UBE4B: variants seen among roughly 807,000 people sequenced by gnomAD.
UBE4B encodes the protein ubiquitination factor E4B.
Under a neutral mutation model 148.1 loss-of-function variants are expected in UBE4B, and 27 were observed. The ratio of observed to expected loss-of-function variants is 0.18; its 90% CI spans 0.13 to 0.25. The LOEUF (loss-of-function observed/expected upper bound fraction) is 0.25, where lower values mean the gene tolerates loss of function less well. UBE4B is among the 10% of genes least tolerant of loss of function. The pLI is 1.00. For missense variants in UBE4B, 1,170 were observed against 1,662.4 expected (o/e 0.70, Z 5.15); for synonymous variants, 596 against 619.3 (o/e 0.96, Z 0.56).
intron 15 of UBE4B, among the ~76,000 whole-genome samples, chr1:10,133,189 A>G (rs1645624424): frequency 1.3e-5 from 2 of 152,188 alleles, no homozygotes. Context: ...AGAAAAGGGC[A>G]TCCTTCCTTG....
Position 10,177,559 on chromosome 1 carries a change from G to A in UBE4B, c.3526-1085G>A, listed in dbSNP as rs143109491. Among the ~76,000 whole-genome samples, 685 of 152,210 alleles carry A rather than the reference G, an allele frequency of 4.5e-3. 5 individuals are homozygous for A. Among genetic ancestry groups the A allele is most frequent in the African/African-American group, 0.015 (644 of 41,568 alleles). ...TAGTCCCAGCTACTTGGGTGGCTAAGGTGAGAGGATTGCTTGAGCCCAGGA... is the reference window on the plus strand; with the variant it reads ...TAGTCCCAGCTACTTGGGTGGCTAAAGTGAGAGGATTGCTTGAGCCCAGGA... On this transcript the variant is annotated intron_variant, in intron 25 of 27. Transcript: ENST00000343090.
At chr1:10,115,470 C>A (rs755048729) in intron 7 of UBE4B, among the ~76,000 whole-genome samples, 5 of 151,182 alleles carry the variant, frequency 3.3e-5, no homozygotes, top group Non-Finnish European at 7.4e-5. Flanking sequence ...AGGGTTTCAC[C>A]ATGTTGGTCA....
rs1323205296 is a variant in UBE4B, at chr1:10,181,191, C to G, written c.*1235C>G. On this transcript the variant is annotated 3_prime_UTR_variant, in exon 28 of 28. Coordinates refer to ENST00000343090, the MANE Select transcript of UBE4B (RefSeq NM_001105562.3). ...CCCTCCACAGACAATGTCCTCTGTT[C>G]AATTCCTAACGCAAACTACAATAAA... 2.1e-5 allele frequency: 3 copies of G among 142,746 alleles called. No homozygotes were observed. Among genetic ancestry groups the G allele is most frequent in the Non-Finnish European group, 3.0e-5 (2 of 66,606 alleles). The allele number at this position is 142,746 out of a possible 1,614,324, so 8.8% of individuals were successfully genotyped here. A position where few individuals can be genotyped will look rare whatever the true frequency, so the allele number is the denominator to read the frequency against.
chr1:10,121,368 A>T (rs1377152417), intron 9 of UBE4B, among the ~76,000 whole-genome samples: 1 of 152,014 alleles, frequency 6.6e-6, no homozygotes, highest in Non-Finnish European at 1.5e-5. Context: ...AAAACAACAA[A>T]CAACAACAAA....
rs7529458 is a variant in UBE4B, at chr1:10,061,073, T to C, written c.25-10955T>C. On this transcript the variant is annotated intron_variant, in intron 1 of 27. Transcript: ENST00000343090. ...TTCCACCTTCTGTTTTCTGTTTTTT[T>C]TTTTATCTCAAAAGACAACAAGATA... 8.0e-3 allele frequency among the ~76,000 whole-genome samples: 1,218 copies of C among 152,234 alleles called. 13 individuals carry two copies. Among genetic ancestry groups the C allele is most frequent in the African/African-American group, 0.027 (1,123 of 41,564 alleles).
rs1416488151 is a variant in UBE4B, at chr1:10,035,713, GTTTTTTTATT to G, written c.24+2034_24+2043del. Among the ~76,000 whole-genome samples the G allele has an allele frequency of 6.9e-5, 10 of 144,574 alleles. No individual in the cohort carries two copies. The East Asian group carries it at 8.4e-4, about 12-fold the overall frequency. The allele number at this position is 144,574 out of a possible 152,430, so 94.8% of individuals were successfully genotyped here. A position where few individuals can be genotyped will look rare whatever the true frequency, so the allele number is the denominator to read the frequency against. ...GAGCCACCGTGACCGGCCAGAGATA[GTTTTTTTATT>G]TTTTTTTATTTTTTATTTATTTTAT... On this transcript the variant is annotated intron_variant, in intron 1 of 27. Transcript: ENST00000343090.
intron 2 of UBE4B, among the ~76,000 whole-genome samples, chr1:10,082,629 C>T (rs1025276561): frequency 3.6e-5 from 5 of 139,380 alleles, no homozygotes; most frequent in African/African-American, 1.4e-4. Context: ...ATTAAGAAGG[C>T]GACTTTTTTT....
intron 21 of UBE4B, among the ~76,000 whole-genome samples, chr1:10,152,432 ACT>A (rs1227466665): frequency 1.3e-5 from 2 of 151,644 alleles, no homozygotes; most frequent in African/African-American, 2.4e-5. Context: ...GTGCTATGAA[ACT>A]CTCATGAGAA....
chr1:10,129,805 C>T (rs939320085), intron 12 of UBE4B, among the ~76,000 whole-genome samples: 1 of 151,936 alleles, frequency 6.6e-6, no homozygotes, highest in Non-Finnish European at 1.5e-5. Context: ...CATGCATTAC[C>T]ATGCGAGGCT....
intron 2 of UBE4B, among the ~76,000 whole-genome samples, chr1:10,092,502 G>A (rs926113548): frequency 9.4e-5 from 14 of 149,000 alleles, no homozygotes; most frequent in Non-Finnish European, 1.5e-4. Context: ...GATTACAGGC[G>A]TGAGCCACTG....
intron 2 of UBE4B, among the ~76,000 whole-genome samples, chr1:10,080,449 A>G (rs987191269): frequency 4.9e-4 from 74 of 151,814 alleles, no homozygotes; most frequent in African/African-American, 1.7e-3. Flanking sequence ...AAAGAAAGAA[A>G]ATTCTATGTT....
chr1:10,160,178 G>A (rs944834051), intron 22 of UBE4B, among the ~76,000 whole-genome samples: 2 of 152,136 alleles, frequency 1.3e-5, no homozygotes, highest in South Asian at 2.1e-4. Context: ...ATTATAACAC[G>A]ATCTGCAGAA....
intron 2 of UBE4B, among the ~76,000 whole-genome samples, chr1:10,092,551 G>T (rs185439869): frequency 5.9e-5 from 9 of 152,046 alleles, no homozygotes; most frequent in South Asian, 2.1e-4. Flanking sequence ...AAGGAGGCCA[G>T]GCACCGTGGC....
At chr1:10,167,453 T>A (rs893335544) in intron 23 of UBE4B, among the ~76,000 whole-genome samples, 1 of 149,506 alleles carries the variant, frequency 6.7e-6, no homozygotes, top group Non-Finnish European at 1.5e-5. Context: ...ATAATAATAA[T>A]AATAATAATA....
At chr1:10,037,201 A>G (rs752701951) in intron 1 of UBE4B, among the ~76,000 whole-genome samples, 2 of 152,000 alleles carry the variant, frequency 1.3e-5, no homozygotes, top group Non-Finnish European at 2.9e-5. Context: ...CTAATTTTGT[A>G]TTTTTAGTAG....
At chr1:10,040,276 A>G (rs1570760791) in intron 1 of UBE4B, among the ~76,000 whole-genome samples, 1 of 151,282 alleles carries the variant, frequency 6.6e-6, no homozygotes, top group African/African-American at 2.4e-5. Flanking sequence ...TGCCCAGCTA[A>G]TTTTTTAATT....
At chr1:10,065,496 C>T (rs1188603348) in intron 1 of UBE4B, among the ~76,000 whole-genome samples, 3 of 152,166 alleles carry the variant, frequency 2.0e-5, no homozygotes, top group East Asian at 1.9e-4. Flanking sequence ...CCCCACGCTG[C>T]AGGGGTAGTT....
chr1:10,145,138 T>C, intron 18 of UBE4B, 99 bp downstream of exon 18: 2 of 861,166 alleles, frequency 2.3e-6, no homozygotes, highest in Non-Finnish European at 1.8e-6. Context: ...GTCCTCACTT[T>C]TTCTTTGTTA....
chr1:10,112,679 C>G (rs898757924), intron 7 of UBE4B, among the ~76,000 whole-genome samples: 1 of 152,176 alleles, frequency 6.6e-6, no homozygotes, highest in African/African-American at 2.4e-5. Flanking sequence ...AAATATTTCT[C>G]CATAGCATAA....
Sources: gnomAD v4.1 joint callset for allele counts (sites outside exome capture counted in the v4.1 genomes callset) on GRCh38, gnomAD v4.1.1 for gene constraint, MANE v1.5 for transcripts, NCBI Gene and HGNC (gene_info 2026-07-23, HGNC 2026-07-21) for gene names.